MAML3: variants seen among roughly 807,000 people sequenced by gnomAD.
MAML3 encodes mastermind like transcriptional coactivator 3, also known as mastermind-like protein 3.
MAML3 carries 27 observed loss-of-function variants against 101.9 expected under a neutral mutation model. The ratio of observed to expected loss-of-function variants is 0.27; its 90% confidence interval spans 0.20 to 0.37. The LOEUF (loss-of-function observed/expected upper bound fraction) is 0.37. Ranked by LOEUF, MAML3 falls within the 10% of genes least tolerant of loss-of-function variation. MAML3 has a pLI of 1.00. For missense variants in MAML3, 1,316 were observed against 1,444.9 expected (o/e 0.91, Z 1.45); for synonymous variants, 501 against 555.9 (o/e 0.90, Z 1.39).
intron 1 of MAML3, among the ~76,000 whole-genome samples, chr4:140,018,809 T>C (rs1328351722): frequency 6.6e-6 from 1 of 152,182 alleles, no homozygotes; most frequent in Non-Finnish European, 1.5e-5. Context: ...TTATAACTTA[T>C]GTAACTAATC....
intron 1 of MAML3, among the ~76,000 whole-genome samples, chr4:140,062,336 C>G (rs1319106243): frequency 6.6e-6 from 1 of 152,134 alleles, no homozygotes; most frequent in East Asian, 1.9e-4. Flanking sequence ...CATCATGGTT[C>G]CAGGACCAGC....
intron 2 of MAML3, among the ~76,000 whole-genome samples, chr4:139,800,312 AAGGCAG>A (rs1442354428): frequency 6.6e-6 from 1 of 152,162 alleles, no homozygotes; most frequent in Non-Finnish European, 1.5e-5. Context: ...CTTCCTTAAG[AAGGCAG>A]AGAGTGTTGC....
At chr4:140,036,381 T>C (rs1394634683) in intron 1 of MAML3, among the ~76,000 whole-genome samples, 1 of 152,230 alleles carries the variant, frequency 6.6e-6, no homozygotes, top group African/African-American at 2.4e-5. Context: ...ACTGGCTCCA[T>C]CTTCACTGTC....
Position 139,816,100 on chromosome 4 carries a change from A to G in MAML3, c.2079+73257T>C, listed in dbSNP as rs929152481. Among the ~76,000 whole-genome samples the G allele has an allele frequency of 2.6e-5, 4 of 152,270 alleles. No homozygotes were observed. The South Asian group carries it at 8.3e-4, about 32-fold the overall frequency. On this transcript the variant is annotated intron_variant, in intron 2 of 4. Transcript: ENST00000509479. ...GAGGAAGAGAGGGGAGTGCGAAGATAAAAATAGAGATGTTGATTGCATTGT... is the reference window on the plus strand; with the variant it reads ...GAGGAAGAGAGGGGAGTGCGAAGATGAAAATAGAGATGTTGATTGCATTGT...
In MAML3 at chr4:139,890,048, G is replaced by A; in HGVS notation, c.1388C>T (p.Ser463Phe). ...CATCTGTTTGAGCTGTTCTGCTGGAGACATGTCAGAGCTGGGCACAGCCAC... is the reference window on the plus strand; with the variant it reads ...CATCTGTTTGAGCTGTTCTGCTGGAAACATGTCAGAGCTGGGCACAGCCAC... ...GPVAVPSSDM[S>F]PAEQLKQMAA... The change falls in exon 2 of 5, where the codon TCT (serine) becomes TTT (phenylalanine). Residue 463 changes from serine (S) to phenylalanine (F), a missense_variant. By Grantham distance (155) the Ser-to-Phe change is radical (BLOSUM62 -2). Transcript: ENST00000509479. This position sits in a 1 kb window ranked among gnomAD's most constrained non-coding sequence, Gnocchi z 4.1. The A allele has an allele frequency of 1.2e-6, 2 of 1,608,472 alleles. No individual in the cohort carries two copies. The highest frequency in any genetic ancestry group is 1.7e-4 in the Middle Eastern group (1 of 6,052).
chr4:140,074,153 AGAGAGAGAGAAAG>A, intron 1 of MAML3, among the ~76,000 whole-genome samples: 1 of 133,996 alleles, frequency 7.5e-6, no homozygotes, highest in Non-Finnish European at 1.6e-5. Flanking sequence ...AAAGAAAGAA[AGAGAGAGAGAAAG>A]GAAAGAAAGA....
At chr4:139,810,339 C>T (rs1730775391) in intron 2 of MAML3, among the ~76,000 whole-genome samples, 1 of 151,838 alleles carries the variant, frequency 6.6e-6, no homozygotes, top group African/African-American at 2.4e-5. Context: ...ACTATAGGCA[C>T]ACCACCACAC....
intron 2 of MAML3, among the ~76,000 whole-genome samples, chr4:139,824,617 G>T (rs1431632303): frequency 6.6e-6 from 1 of 152,234 alleles, no homozygotes; most frequent in Non-Finnish European, 1.5e-5. Flanking sequence ...AAGGGTCACA[G>T]ATGTTGATCA....
At chr4:140,027,872 T>C (rs959748669) in intron 1 of MAML3, among the ~76,000 whole-genome samples, 21 of 152,240 alleles carry the variant, frequency 1.4e-4, no homozygotes, top group African/African-American at 4.3e-4. Flanking sequence ...TTTTGTCCAC[T>C]GTTTTCCAAT....
At chr4:139,769,044 T>C (rs940328616) in intron 2 of MAML3, among the ~76,000 whole-genome samples, 6 of 152,176 alleles carry the variant, frequency 3.9e-5, no homozygotes, top group Non-Finnish European at 8.8e-5. Context: ...ACAAGGTGTT[T>C]AGGAAGAACA....
intron 2 of MAML3, among the ~76,000 whole-genome samples, chr4:139,850,731 C>T (rs781295141): frequency 1.5e-4 from 23 of 151,820 alleles, no homozygotes; most frequent in Non-Finnish European, 2.4e-4. Context: ...GTGGTAAAGA[C>T]GGGCGTTTCA....
At chr4:140,008,499 C>T (rs1726494580) in intron 1 of MAML3, among the ~76,000 whole-genome samples, 1 of 152,168 alleles carries the variant, frequency 6.6e-6, no homozygotes, top group Admixed American at 6.5e-5. Context: ...CGGTTTACAG[C>T]CTATCATTCC....
intron 2 of MAML3, among the ~76,000 whole-genome samples, chr4:139,784,670 C>G (rs1405606295): frequency 6.6e-6 from 1 of 152,194 alleles, no homozygotes; most frequent in Non-Finnish European, 1.5e-5. Flanking sequence ...CCACTTAGTC[C>G]CCCAATGTAC....
At chr4:139,803,719 T>C (rs1453264416) in intron 2 of MAML3, among the ~76,000 whole-genome samples, 1 of 152,198 alleles carries the variant, frequency 6.6e-6, no homozygotes, top group East Asian at 1.9e-4. Flanking sequence ...TTACAGTCTA[T>C]AAAGTGCCTG....
At chr4:139,922,461 C>T (rs1457308009) in intron 1 of MAML3, among the ~76,000 whole-genome samples, 11 of 144,726 alleles carry the variant, frequency 7.6e-5, no homozygotes, top group Non-Finnish European at 1.5e-4. Context: ...TCCCTAACCT[C>T]AAGCTAATGA....
At chr4:139,932,333 A>C (rs1733417927) in intron 1 of MAML3, among the ~76,000 whole-genome samples, 2 of 152,182 alleles carry the variant, frequency 1.3e-5, no homozygotes, top group South Asian at 4.1e-4. Context: ...GTGGGGAAAA[A>C]CATAAAATAC....
intron 1 of MAML3, among the ~76,000 whole-genome samples, chr4:140,119,772 C>G (rs1032800029): frequency 1.3e-5 from 2 of 152,112 alleles, no homozygotes; most frequent in African/African-American, 2.4e-5. Flanking sequence ...CAGGCACAAA[C>G]AAGATCCACA....
chr4:139,827,715 C>T (rs1731087064), intron 2 of MAML3, among the ~76,000 whole-genome samples: 2 of 152,156 alleles, frequency 1.3e-5, no homozygotes, highest in Non-Finnish European at 2.9e-5. Flanking sequence ...TATAATGTGC[C>T]TATTTCCAAA....
chr4:139,725,601 A>G, intron 4 of MAML3, 150 bp downstream of exon 4: 1 of 764,906 alleles, frequency 1.3e-6, no homozygotes, highest in Non-Finnish European at 2.2e-6. Context: ...ATCCATTCTG[A>G]TTGGTTAGTA....
Sources: allele counts gnomAD v4.1 joint callset (sites outside exome capture counted in the v4.1 genomes callset), GRCh38; gene constraint gnomAD v4.1.1; non-coding constraint Gnocchi (gnomAD v3.1); transcripts MANE v1.5; gene names NCBI Gene and HGNC (gene_info 2026-07-23, HGNC 2026-07-21).